The following ARSB variants were observed in gnomAD, a reference collection of about 807,000 sequenced individuals.
ARSB encodes the protein N-acetylgalactosamine-4-sulfatase.
In ARSB, 41 loss-of-function variants were observed where a neutral mutation model predicts 50.9. The ratio of observed to expected loss-of-function variants is 0.81; its 90% CI spans 0.63 to 1.04. ARSB has a LOEUF of 1.04. Among genes scored for constraint, ARSB ranks in the 50% least tolerant of loss-of-function variants. The pLI, the probability that ARSB is intolerant of heterozygous loss-of-function variation, is 0.00. For missense variants in ARSB, 672 were observed against 693.3 expected (o/e 0.97, Z 0.35); for synonymous variants, 269 against 284.8 (o/e 0.94, Z 0.56).
chr5:78,832,459 C>T (rs35783391), intron 6 of ARSB, among the ~76,000 whole-genome samples: 30,722 of 152,026 alleles, frequency 0.2, 3,874 homozygotes, highest in Non-Finnish European at 0.26. Flanking sequence ...TATAACAGTA[C>T]CTCATGCATC....
chr5:78,898,933 T>A (rs904985637), intron 4 of ARSB, among the ~76,000 whole-genome samples: 1 of 152,240 alleles, frequency 6.6e-6, no homozygotes, highest in African/African-American at 2.4e-5. Flanking sequence ...CTTTTGCACA[T>A]TAGCGTTTTT....
In ARSB at chr5:78,890,691, A is replaced by C. The variant is rs187145669; in HGVS notation, c.899-4864T>G. Reference sequence around the variant, plus strand: ...GAAAAAGTTCCAACTTCAGGCCCACATATAGAATCCTTCATATCTGCCCCC... The same window carrying C: ...GAAAAAGTTCCAACTTCAGGCCCACCTATAGAATCCTTCATATCTGCCCCC... On this transcript the variant is annotated intron_variant, in intron 4 of 7. Coordinates refer to ENST00000264914, the MANE Select transcript of ARSB (RefSeq NM_000046.5). 6.6e-5 allele frequency among the ~76,000 whole-genome samples: 10 copies of C among 152,320 alleles called. No individual in the cohort carries two copies. The South Asian group carries it at 2.1e-3, about 32-fold the overall frequency.
chr5:78,881,440 A>C (rs1747741728), intron 5 of ARSB, among the ~76,000 whole-genome samples: 1 of 152,178 alleles, frequency 6.6e-6, no homozygotes, highest in African/African-American at 2.4e-5. Flanking sequence ...AAGGAAAAAT[A>C]TTTGCAAGAA....
intron 5 of ARSB, chr5:78,885,304 T>A: frequency 2.1e-6 from 1 of 466,126 alleles, no homozygotes; most frequent in Non-Finnish European, 3.7e-6. Context: ...TACCCTAGCC[T>A]ACTTCTAAGC....
At chr5:78,936,228 G>A (rs1433449349) in intron 4 of ARSB, among the ~76,000 whole-genome samples, 1 of 147,134 alleles carries the variant, frequency 6.8e-6, no homozygotes, top group Non-Finnish European at 1.5e-5. Flanking sequence ...GGGTTCAAGC[G>A]ATTCTCCTGC....
chr5:78,895,794 T>C (rs764738084), intron 4 of ARSB, among the ~76,000 whole-genome samples: 1 of 152,196 alleles, frequency 6.6e-6, no homozygotes. Context: ...CGGAAATGGA[T>C]AGTCAGCAGG....
intron 6 of ARSB, among the ~76,000 whole-genome samples, chr5:78,791,613 G>T (rs1749237544): frequency 1.3e-5 from 2 of 152,218 alleles, no homozygotes. Context: ...TCTGCTCATG[G>T]TTTTGAATGT....
intron 4 of ARSB, among the ~76,000 whole-genome samples, chr5:78,932,292 T>C (rs1231141755): frequency 6.6e-6 from 1 of 152,254 alleles, no homozygotes; most frequent in Non-Finnish European, 1.5e-5. Context: ...AGCTGCCTTC[T>C]GACAGTCATC....
chr5:78,850,682 C>T (rs1375941554), intron 5 of ARSB, among the ~76,000 whole-genome samples: 1 of 152,186 alleles, frequency 6.6e-6, no homozygotes, highest in Non-Finnish European at 1.5e-5. Flanking sequence ...GTGAATCCAA[C>T]TGGTCTTGGA....
At chr5:78,781,226 T>A (rs1748914889) in intron 7 of ARSB, among the ~76,000 whole-genome samples, 1 of 151,986 alleles carries the variant, frequency 6.6e-6, no homozygotes, top group Admixed American at 6.6e-5. Flanking sequence ...GATAGCCACA[T>A]ATATTTAAAA....
intron 2 of ARSB, among the ~76,000 whole-genome samples, chr5:78,967,662 G>A (rs1752262557): frequency 6.9e-6 from 1 of 144,582 alleles, no homozygotes. Context: ...AACAGAGCGA[G>A]ACTCCGTATA....
Position 78,985,046 on chromosome 5 carries a change from C to A in ARSB, c.203G>T (p.Arg68Leu). Reference sequence around the variant, plus strand: ...CGCCAGCGCGTCCAGGTGCGGCGTGCGGATGCGGGAGCCGTGGAAGCCGAC... The same window carrying A: ...CGCCAGCGCGTCCAGGTGCGGCGTGAGGATGCGGGAGCCGTGGAAGCCGAC... ...NDVGFHGSRI[R>L]TPHLDALAAG... Residue 68 changes from arginine to leucine, a missense_variant, in exon 1 of 8, where the codon CGC (arginine) becomes CTC (leucine). Physicochemically the swap from Arg to Leu is moderately radical, Grantham distance 102 (BLOSUM62 -2). Coordinates refer to ENST00000264914, the MANE Select transcript of ARSB (RefSeq NM_000046.5). The A allele has an allele frequency of 6.5e-7, 1 of 1,540,908 alleles. No individual in the cohort carries two copies. Among genetic ancestry groups the A allele is most frequent in the East Asian group, 2.7e-5 (1 of 37,352 alleles).
At chr5:78,804,468 T>C (rs1396826299) in intron 6 of ARSB, among the ~76,000 whole-genome samples, 2 of 152,176 alleles carry the variant, frequency 1.3e-5, no homozygotes, top group Non-Finnish European at 1.5e-5. Context: ...CTACTGTTTA[T>C]ATGACAGAAG....
At chr5:78,939,132 C>T (rs1750773488) in intron 4 of ARSB, among the ~76,000 whole-genome samples, 1 of 152,230 alleles carries the variant, frequency 6.6e-6, no homozygotes. Flanking sequence ...CTTTCCAGCT[C>T]TTTGCAGATG....
In ARSB at chr5:78,937,271, CATATATATGTAAGAT is replaced by C. The variant is rs1300321872; in HGVS notation, c.898+18009_898+18023del. ...GGAAGTTCGATATATATATATCTTACATATATATGTAAGATATATATATGTAAGATATATATATCA... is the reference window on the plus strand; with the variant it reads ...GGAAGTTCGATATATATATATCTTACATATATATGTAAGATATATATATCA... On this transcript the variant is annotated intron_variant, in intron 4 of 7. Coordinates refer to ENST00000264914, the MANE Select transcript of ARSB (RefSeq NM_000046.5). 2.4e-3 allele frequency among the ~76,000 whole-genome samples: 315 copies of C among 131,710 alleles called. 1 individual carries two copies. The highest frequency in any genetic ancestry group is 8.5e-3 in the African/African-American group (288 of 33,826). The allele number at this position is 131,710 out of a possible 152,430, so 86.4% of individuals were successfully genotyped here. A position where few individuals can be genotyped will look rare whatever the true frequency, so the allele number is the denominator to read the frequency against.
At chr5:78,865,072 G>A (rs897575030) in intron 5 of ARSB, among the ~76,000 whole-genome samples, 2 of 152,104 alleles carry the variant, frequency 1.3e-5, no homozygotes, top group Non-Finnish European at 2.9e-5. Flanking sequence ...ATCATTCTGG[G>A]GTCTGGAGGA....
chr5:78,805,245 A>G (rs1299709177), intron 6 of ARSB, among the ~76,000 whole-genome samples: 1 of 152,222 alleles, frequency 6.6e-6, no homozygotes, highest in African/African-American at 2.4e-5. Flanking sequence ...GTTTACCTGT[A>G]GGAGGAGTTA....
intron 4 of ARSB, among the ~76,000 whole-genome samples, chr5:78,886,653 A>G (rs1296797320): frequency 6.6e-6 from 1 of 152,172 alleles, no homozygotes; most frequent in East Asian, 1.9e-4. Context: ...TAGAAAAGAA[A>G]AAGTGCCATT....
At chr5:78,874,418 C>A (rs1266943863) in intron 5 of ARSB, among the ~76,000 whole-genome samples, 1 of 152,042 alleles carries the variant, frequency 6.6e-6, no homozygotes, top group African/African-American at 2.4e-5. Context: ...ACATAAGTTG[C>A]TTGATTTCCT....
Sources: allele counts gnomAD v4.1 joint callset (sites outside exome capture counted in the v4.1 genomes callset), GRCh38; gene constraint gnomAD v4.1.1; transcripts MANE v1.5; gene names NCBI Gene and HGNC (gene_info 2026-07-23, HGNC 2026-07-21).